The following CACNA1C variants were observed in gnomAD, a reference collection of about 807,000 sequenced individuals.
CACNA1C encodes the protein voltage-dependent L-type calcium channel subunit alpha-1C.
Under a neutral mutation model 229.0 loss-of-function variants are expected in CACNA1C, and 30 were observed. The ratio of observed to expected loss-of-function variants is 0.13; its 90% CI spans 0.10 to 0.18. CACNA1C has a LOEUF of 0.18. Ranked by LOEUF, CACNA1C falls within the 10% of genes least tolerant of loss-of-function variation. CACNA1C has a pLI of 1.00. For synonymous variants in CACNA1C, 1,114 were observed against 1,132.5 expected, an observed-to-expected ratio of 0.98 and a Z score of 0.33; for missense variants, 1,658 against 2,845.0, an observed-to-expected ratio of 0.58 and a Z score of 9.49.
intron 3 of CACNA1C, among the ~76,000 whole-genome samples, chr12:2,258,423 G>GT (rs879924844): frequency 2.5e-4 from 38 of 149,666 alleles, no homozygotes; most frequent in Middle Eastern, 3.4e-3. Context: ...TTTTCCTCAA[G>GT]TTTTTTTTTT....
chr12:2,687,578 T>C (rs1360737137), intron 45 of CACNA1C, among the ~76,000 whole-genome samples: 53 of 151,910 alleles, frequency 3.5e-4, no homozygotes, highest in African/African-American at 1.2e-3. Flanking sequence ...TTGCTCTTGT[T>C]GCCCAGGCTG....
chr12:2,617,927 C>T (rs996855486), intron 29 of CACNA1C, among the ~76,000 whole-genome samples: 12 of 152,392 alleles, frequency 7.9e-5, no homozygotes, highest in African/African-American at 2.9e-4. Flanking sequence ...CTAGAAACTT[C>T]TGTCCTTTAG....
intron 3 of CACNA1C, among the ~76,000 whole-genome samples, chr12:2,136,591 A>G (rs1336944274): frequency 1.3e-5 from 2 of 151,282 alleles, no homozygotes; most frequent in Admixed American, 1.3e-4. Flanking sequence ...CTTTACCAAG[A>G]GGACCAAGGG....
chr12:2,375,433 C>T (rs543856143), intron 3 of CACNA1C, among the ~76,000 whole-genome samples: 1 of 152,294 alleles, frequency 6.6e-6, no homozygotes, highest in East Asian at 1.9e-4. Context: ...ACCTTCGGCT[C>T]CTGTGGCACT....
At chr12:2,236,046 C>T (rs533006763) in intron 3 of CACNA1C, among the ~76,000 whole-genome samples, 4 of 152,306 alleles carry the variant, frequency 2.6e-5, no homozygotes, top group African/African-American at 9.6e-5. Flanking sequence ...GGAGCTGGAC[C>T]AGGCAGTTTG....
intron 3 of CACNA1C, 56 bp from the exon 4 acceptor site, chr12:2,448,920 T>C (rs1405038897): frequency 6.7e-7 from 1 of 1,490,462 alleles, no homozygotes; most frequent in Non-Finnish European, 9.2e-7. Context: ...TTCCAAACTT[T>C]CCAAATCCCC....
At chr12:2,385,421 A>T (rs2098360814) in intron 3 of CACNA1C, among the ~76,000 whole-genome samples, 1 of 151,626 alleles carries the variant, frequency 6.6e-6, no homozygotes. Context: ...CAACTTTCTC[A>T]GTCTCCACCA....
intron 3 of CACNA1C, among the ~76,000 whole-genome samples, chr12:2,124,464 G>A (rs774178202): frequency 2.0e-5 from 3 of 152,176 alleles, no homozygotes; most frequent in Non-Finnish European, 4.4e-5. Flanking sequence ...GGTTTTGAGG[G>A]GATGAGAAGA....
intron 1 of CACNA1C, among the ~76,000 whole-genome samples, chr12:1,986,153 A>G (rs188468764): frequency 6.6e-6 from 1 of 152,310 alleles, no homozygotes; most frequent in East Asian, 1.9e-4. Flanking sequence ...TGCCCTATAC[A>G]TATACTAGTC....
chr12:1,971,159 G>C lies in CACNA1C; in HGVS notation c.97G>C (p.Val33Leu). ...GGAGGTCAAGTTTAAGGGTACTTTG[G>C]TGCATGAAGCTCAACTCAACTATTT... The change falls in exon 1 of 47, where the codon GTG (valine) becomes CTG (leucine). Residue 33 changes from valine to leucine, a missense_variant. Physicochemically the swap from Val to Leu is conservative, Grantham distance 32. Transcript: ENST00000682462. The surrounding 1 kb of genome is among the most constrained non-coding windows in gnomAD (Gnocchi z 4.2). 9 of 1,289,308 alleles carry C rather than the reference G, an allele frequency of 7.0e-6. No homozygotes were observed. Among genetic ancestry groups the C allele is most frequent in the Non-Finnish European group, 9.1e-6 (9 of 988,480 alleles). The allele number at this position is 1,289,308 out of a possible 1,614,324, so 79.9% of individuals were successfully genotyped here.
intron 9 of CACNA1C, among the ~76,000 whole-genome samples, chr12:2,517,420 G>A (rs1268951392): frequency 6.6e-6 from 1 of 152,224 alleles, no homozygotes; most frequent in African/African-American, 2.4e-5. Flanking sequence ...CTACAGCAAT[G>A]CCAATACTAG....
At chr12:2,027,570 G>T (rs955431996) in intron 1 of CACNA1C, among the ~76,000 whole-genome samples, 8 of 152,178 alleles carry the variant, frequency 5.3e-5, no homozygotes, top group African/African-American at 1.9e-4. Flanking sequence ...CCTCTTCCAA[G>T]CACTGCAGCA....
At chr12:2,255,515 G>A (rs760474706) in intron 3 of CACNA1C, among the ~76,000 whole-genome samples, 13 of 152,196 alleles carry the variant, frequency 8.5e-5, no homozygotes, top group Non-Finnish European at 1.8e-4. Flanking sequence ...AGAAGGCAGT[G>A]CCAATCAAAG....
chr12:2,098,782 C>T (rs139592101), intron 1 of CACNA1C, among the ~76,000 whole-genome samples: 128 of 152,320 alleles, frequency 8.4e-4, no homozygotes, highest in African/African-American at 2.6e-3. Context: ...TTGCGTGCCC[C>T]GAGGCTTTAT....
chr12:2,075,708 C>G (rs989324119), intron 1 of CACNA1C, among the ~76,000 whole-genome samples: 1 of 152,192 alleles, frequency 6.6e-6, no homozygotes, highest in Non-Finnish European at 1.5e-5. Flanking sequence ...ACAGAAGTGG[C>G]GTCAGTACCA....
intron 3 of CACNA1C, among the ~76,000 whole-genome samples, chr12:2,302,868 G>A (rs892967146): frequency 2.6e-5 from 4 of 152,180 alleles, no homozygotes; most frequent in African/African-American, 7.2e-5. Flanking sequence ...GGAGCCTCTC[G>A]GCTCCATCCT....
chr12:2,391,781 C>T (rs994538094), intron 3 of CACNA1C, among the ~76,000 whole-genome samples: 2 of 152,200 alleles, frequency 1.3e-5, no homozygotes, highest in African/African-American at 4.8e-5. Flanking sequence ...TCTGTTTGCC[C>T]TCTAGACCTG....
intron 3 of CACNA1C, among the ~76,000 whole-genome samples, chr12:2,309,297 A>G (rs568106594): frequency 6.6e-6 from 1 of 152,216 alleles, no homozygotes; most frequent in Non-Finnish European, 1.5e-5. Flanking sequence ...AGCCCAACTC[A>G]TAGAAGCAGA....
chr12:2,386,946 T>TGATG (rs2154547455), intron 3 of CACNA1C, among the ~76,000 whole-genome samples: 1 of 152,360 alleles, frequency 6.6e-6, no homozygotes, highest in South Asian at 2.1e-4. Context: ...CTGCCATTCC[T>TGATG]GTGATGGACC....
Sources: allele counts gnomAD v4.1 joint callset (sites outside exome capture counted in the v4.1 genomes callset), GRCh38; gene constraint gnomAD v4.1.1; non-coding constraint Gnocchi (gnomAD v3.1); transcripts MANE v1.5; gene names NCBI Gene and HGNC (gene_info 2026-07-23, HGNC 2026-07-21).